SPAG6: variants seen among roughly 807,000 people sequenced by gnomAD.
SPAG6 encodes the protein sperm associated antigen 6.
Under a neutral mutation model 58.5 loss-of-function variants are expected in SPAG6, and 49 were observed. The ratio of observed to expected loss-of-function variants is 0.84; its 90% CI spans 0.67 to 1.06. The LOEUF (loss-of-function observed/expected upper bound fraction) is 1.06, where lower values mean the gene tolerates loss of function less well. Among genes scored for constraint, SPAG6 ranks in the 50% least tolerant of loss-of-function variants. The pLI is 0.00. For missense variants in SPAG6, 560 were observed against 611.3 expected (o/e 0.92, Z 0.89); for synonymous variants, 233 against 225.6 (o/e 1.03, Z -0.29).
intron 8 of SPAG6, among the ~76,000 whole-genome samples, chr10:22,400,508 G>C (rs1834386745): frequency 6.6e-6 from 1 of 151,894 alleles, no homozygotes; most frequent in African/African-American, 2.4e-5. Flanking sequence ...ACGGAGTGCA[G>C]GAGGGGGTAG....
At chr10:22,391,508 T>G (rs973087464) in intron 7 of SPAG6, among the ~76,000 whole-genome samples, 3 of 152,168 alleles carry the variant, frequency 2.0e-5, no homozygotes, top group Non-Finnish European at 4.4e-5. Context: ...AGTAGAGAAA[T>G]TCTTGGTTTA....
At chr10:22,396,841 C>T (rs1834304553) in intron 8 of SPAG6, among the ~76,000 whole-genome samples, 1 of 152,058 alleles carries the variant, frequency 6.6e-6, no homozygotes, top group African/African-American at 2.4e-5. Context: ...ATAGGTAAAC[C>T]AGGCCCAAAC....
rs114071343 is a variant in SPAG6 at position 22,366,087 on chromosome 10, A to G, written c.288+1068A>G. Among the ~76,000 whole-genome samples, 702 of 152,294 alleles carry G rather than the reference A, an allele frequency of 4.6e-3. 5 individuals carry two copies. The highest frequency in any genetic ancestry group is 0.016 in the African/African-American group (684 of 41,562). On this transcript the variant is annotated intron_variant, in intron 3 of 10. Coordinates refer to ENST00000376624, the MANE Select transcript of SPAG6 (RefSeq NM_012443.4). The stretch of plus-strand genomic sequence containing the variant: ...AGCTATATATCCAAAAGAATTGAAA[A>G]CAGATGCTCCAGCAAAGCCTGCACA...
At position 22,345,600 on chromosome 10, in the gene SPAG6, G is replaced by T; in HGVS notation, c.-12G>T. 2 of 1,529,330 alleles carry T rather than the reference G, an allele frequency of 1.3e-6. No individual in the cohort carries two copies. Among genetic ancestry groups the T allele is most frequent in the African/African-American group, 2.8e-5 (2 of 71,682 alleles). The allele number at this position is 1,529,330 out of a possible 1,614,324, so 94.7% of individuals were successfully genotyped here. A position where few individuals can be genotyped will look rare whatever the true frequency, so the allele number is the denominator to read the frequency against. On this transcript the variant is annotated 5_prime_UTR_variant, in exon 1 of 11. Transcript: ENST00000376624. The surrounding 1 kb of genome is among the most constrained non-coding windows in gnomAD (Gnocchi z 6.3). ...GCAGAGCTCGAGGAGGGCAGACGGC[G>T]GCGGGGGCGCCATGAGTCAGAGGCA...
intron 2 of SPAG6, among the ~76,000 whole-genome samples, chr10:22,358,881 C>T (rs1836950362): frequency 6.6e-6 from 1 of 152,108 alleles, no homozygotes; most frequent in South Asian, 2.1e-4. Context: ...TTCTAATCTT[C>T]CTAGAACTTT....
In SPAG6 at chr10:22,416,860, G is replaced by C. The variant is rs568453136; in HGVS notation, c.*172G>C. The C allele has an allele frequency of 8.2e-6, 4 of 488,088 alleles. No homozygotes were observed. In the South Asian group the frequency reaches 1.2e-4, roughly 14 times the overall value. The allele number at this position is 488,088 out of a possible 1,614,324, so 30.2% of individuals were successfully genotyped here. A position where few individuals can be genotyped will look rare whatever the true frequency, so the allele number is the denominator to read the frequency against. On this transcript the variant is annotated 3_prime_UTR_variant, in exon 11 of 11. Transcript: ENST00000376624. Reference sequence around the variant, plus strand: ...CTTTAAACATTCGTAGCTTGAATATGTGAGGAACTATTCATGGTCATTCGC... The same window carrying C: ...CTTTAAACATTCGTAGCTTGAATATCTGAGGAACTATTCATGGTCATTCGC...
chr10:22,407,310 G>T (rs1834583339), intron 9 of SPAG6, among the ~76,000 whole-genome samples: 2 of 151,762 alleles, frequency 1.3e-5, no homozygotes, highest in Admixed American at 1.3e-4. Flanking sequence ...GCTTCCTTCA[G>T]GAGCTCTTTT....
chr10:22,391,293 T>A (rs964894511), intron 7 of SPAG6, among the ~76,000 whole-genome samples: 20 of 152,352 alleles, frequency 1.3e-4, no homozygotes, highest in African/African-American at 4.8e-4. Context: ...ATTTATTTTA[T>A]TCTCAGGCTT....
At chr10:22,374,267 T>A (rs1368741215) in intron 4 of SPAG6, among the ~76,000 whole-genome samples, 1 of 152,218 alleles carries the variant, frequency 6.6e-6, no homozygotes, top group Non-Finnish European at 1.5e-5. Flanking sequence ...GAGGCATTTA[T>A]GTCTGTGTTC....
In SPAG6 at chr10:22,401,288, C is replaced by A. The variant is rs778806309; in HGVS notation, c.1314+11C>A. 2.0e-5 allele frequency: 25 copies of A among 1,281,394 alleles called. No homozygotes were observed. Among genetic ancestry groups the A allele is most frequent in the Admixed American group, 1.7e-4 (10 of 57,986 alleles). The allele number at this position is 1,281,394 out of a possible 1,614,324, so 79.4% of individuals were successfully genotyped here. On this transcript the variant is annotated intron_variant, in intron 9 of 10. Coordinates refer to ENST00000376624, the MANE Select transcript of SPAG6 (RefSeq NM_012443.4). Reference sequence around the variant, plus strand: ...GGACAGTTCAGTAAGGTAAGAAATGCCAGCCTCTAAGGGGAGGAAGAAAAT... The same window carrying A: ...GGACAGTTCAGTAAGGTAAGAAATGACAGCCTCTAAGGGGAGGAAGAAAAT...
intron 9 of SPAG6, among the ~76,000 whole-genome samples, chr10:22,407,442 C>T (rs1369158735): frequency 6.6e-6 from 1 of 151,960 alleles, no homozygotes; most frequent in African/African-American, 2.4e-5. Flanking sequence ...AAATTCTTTT[C>T]TTTAAGAATG....
intron 9 of SPAG6, among the ~76,000 whole-genome samples, chr10:22,407,585 T>G (rs1456352784): frequency 6.6e-6 from 1 of 151,952 alleles, no homozygotes; most frequent in Non-Finnish European, 1.5e-5. Flanking sequence ...TTCCTTCATT[T>G]CAACTTTGGT....
intron 4 of SPAG6, among the ~76,000 whole-genome samples, chr10:22,373,069 A>G (rs1295212103): frequency 6.6e-6 from 1 of 152,016 alleles, no homozygotes; most frequent in Non-Finnish European, 1.5e-5. Flanking sequence ...CTTGCCAGAT[A>G]CCTCTGTTTC....
At chr10:22,380,336 C>T (rs904936381) in intron 4 of SPAG6, among the ~76,000 whole-genome samples, 1 of 151,982 alleles carries the variant, frequency 6.6e-6, no homozygotes, top group African/African-American at 2.4e-5. Flanking sequence ...CAGGGTCTTG[C>T]TCTTTTGCCC....
At chr10:22,412,450 T>C in intron 10 of SPAG6, 1 of 1,522,430 alleles carries the variant, frequency 6.6e-7, no homozygotes, top group Non-Finnish European at 8.8e-7. Context: ...CCCAGTAAAT[T>C]CTTTCCAGAG....
At chr10:22,378,037 C>G (rs187029106) in intron 4 of SPAG6, among the ~76,000 whole-genome samples, 1 of 135,012 alleles carries the variant, frequency 7.4e-6, no homozygotes, top group East Asian at 2.1e-4. Flanking sequence ...AAGTACAGAT[C>G]TTTTTTTCTT....
Position 22,391,889 on chromosome 10 carries a change from C to T in SPAG6, c.1166C>T (p.Ser389Leu). ...CCAGTTCTGCTTTCTTTGTACATGT[C>T]AACAGAAAGTTCTGAGGATCTCCAA... The part of the protein sequence containing the change: ...TLPVLLSLYM[S>L]TESSEDLQVK... The change falls in exon 8 of 11, where the codon TCA (serine) becomes TTA (leucine). Residue 389 changes from serine (S) to leucine (L), a missense_variant. Physicochemically the swap from Ser to Leu is moderately radical, Grantham distance 145. Coordinates refer to ENST00000376624, the MANE Select transcript of SPAG6 (RefSeq NM_012443.4). The T allele has an allele frequency of 1.2e-6, 2 of 1,612,986 alleles. No homozygotes were observed. The highest frequency in any genetic ancestry group is 1.7e-6 in the Non-Finnish European group (2 of 1,179,482).
At chr10:22,416,551 T>C (rs141460482) in intron 10 of SPAG6, 68 bp from the exon 11 acceptor site, 30 of 890,674 alleles carry the variant, frequency 3.4e-5, no homozygotes, top group Non-Finnish European at 4.2e-5. Flanking sequence ...AAATCCCCTA[T>C]ATTGAATCTT....
At chr10:22,359,316 G>A (rs1475436384) in intron 2 of SPAG6, 1 of 325,712 alleles carries the variant, frequency 3.1e-6, no homozygotes. Flanking sequence ...AGATTAAAAT[G>A]AAGCATACTG....
Sources: gnomAD v4.1 joint callset for allele counts (sites outside exome capture counted in the v4.1 genomes callset) on GRCh38, gnomAD v4.1.1 for gene constraint, Gnocchi (gnomAD v3.1) non-coding constraint, MANE v1.5 for transcripts, NCBI Gene and HGNC (gene_info 2026-07-23, HGNC 2026-07-21) for gene names.